Variants in GPC5 observed in about 807,000 individuals in gnomAD.
The protein encoded by GPC5 is glypican-5.
Under a neutral mutation model 53.9 loss-of-function variants are expected in GPC5, and 47 were observed. That is an observed-to-expected ratio of 0.87 (90% confidence interval 0.69 to 1.11). The LOEUF is 1.11. GPC5 is among the 50% of genes most tolerant of loss of function. The pLI is 0.00. For missense variants in GPC5, 748 were observed against 713.1 expected (o/e 1.05, Z -0.56); for synonymous variants, 286 against 263.3 (o/e 1.09, Z -0.84).
intron 7 of GPC5, among the ~76,000 whole-genome samples, chr13:92,824,866 T>A (rs1174089625): frequency 6.6e-6 from 1 of 152,090 alleles, no homozygotes; most frequent in Non-Finnish European, 1.5e-5. Flanking sequence ...TCATTAATAG[T>A]TCATATATTC....
intron 2 of GPC5, among the ~76,000 whole-genome samples, chr13:91,563,882 G>C (rs1198030055): frequency 3.3e-5 from 5 of 152,024 alleles, no homozygotes; most frequent in Admixed American, 3.3e-4. Context: ...TCCTCCCGGA[G>C]GACCGGGGAG....
chr13:92,025,344 C>T (rs2040792468), intron 6 of GPC5, among the ~76,000 whole-genome samples: 1 of 152,056 alleles, frequency 6.6e-6, no homozygotes, highest in African/African-American at 2.4e-5. Flanking sequence ...GATCTCTCCC[C>T]CAAAACACTT....
intron 7 of GPC5, among the ~76,000 whole-genome samples, chr13:92,819,876 C>T (rs991939058): frequency 6.6e-6 from 1 of 152,170 alleles, no homozygotes; most frequent in African/African-American, 2.4e-5. Context: ...TTCAACATGA[C>T]TGCCTCCTTT....
chr13:92,854,365 TAGTCA>T (rs1176144019), intron 7 of GPC5, among the ~76,000 whole-genome samples: 2 of 148,736 alleles, frequency 1.3e-5, no homozygotes, highest in African/African-American at 4.9e-5. Flanking sequence ...ATATATATAT[TAGTCA>T]ATAGATATTA....
intron 2 of GPC5, among the ~76,000 whole-genome samples, chr13:91,504,065 C>G (rs1753556615): frequency 6.6e-6 from 1 of 151,702 alleles, no homozygotes; most frequent in African/African-American, 2.4e-5. Flanking sequence ...CATAGCATAA[C>G]AAAAAACAAT....
intron 2 of GPC5, among the ~76,000 whole-genome samples, chr13:91,502,461 A>G (rs1445602978): frequency 6.6e-6 from 1 of 152,164 alleles, no homozygotes; most frequent in Non-Finnish European, 1.5e-5. Context: ...GCAGGTGAAC[A>G]GCACTGGAGG....
chr13:92,618,904 T>C (rs1566323877), intron 7 of GPC5, among the ~76,000 whole-genome samples: 1 of 151,914 alleles, frequency 6.6e-6, no homozygotes, highest in Non-Finnish European at 1.5e-5. Flanking sequence ...AGTAAAACAA[T>C]TGAAGAATTT....
At chr13:92,588,813 G>A (rs1187219036) in intron 7 of GPC5, among the ~76,000 whole-genome samples, 1 of 152,158 alleles carries the variant, frequency 6.6e-6, no homozygotes, top group Non-Finnish European at 1.5e-5. Flanking sequence ...GTTCCATACA[G>A]TTGGCATCCT....
intron 7 of GPC5, among the ~76,000 whole-genome samples, chr13:92,436,882 G>T (rs949613822): frequency 2.0e-5 from 3 of 151,932 alleles, no homozygotes; most frequent in Non-Finnish European, 4.4e-5. Flanking sequence ...AAACATAAAT[G>T]AATCAACACA....
At chr13:92,637,110 T>C (rs1306950250) in intron 7 of GPC5, among the ~76,000 whole-genome samples, 1 of 152,164 alleles carries the variant, frequency 6.6e-6, no homozygotes, top group East Asian at 1.9e-4. Flanking sequence ...AAATTCTTAG[T>C]CTGGAATGTA....
rs542594378 is a variant in GPC5 at position 91,738,064 on chromosome 13, G to A, written c.1154+9399G>A. 1.7e-4 allele frequency among the ~76,000 whole-genome samples: 26 copies of A among 151,430 alleles called. No individual in the cohort carries two copies. In the South Asian group the frequency reaches 2.7e-3, roughly 16 times the overall value. On this transcript the variant is annotated intron_variant, in intron 4 of 7. Coordinates refer to ENST00000377067, the MANE Select transcript of GPC5 (RefSeq NM_004466.6). ...GTAGTGAAGACAAACTATTGAGAGGGTGAGTGGAGGAAAGGGATGGGAAAT... is the reference window on the plus strand; with the variant it reads ...GTAGTGAAGACAAACTATTGAGAGGATGAGTGGAGGAAAGGGATGGGAAAT...
chr13:91,662,066 A>G (rs2035000321), intron 2 of GPC5, among the ~76,000 whole-genome samples: 2 of 152,174 alleles, frequency 1.3e-5, no homozygotes, highest in African/African-American at 4.8e-5. Context: ...TATGGTATTT[A>G]AAGCTATGAG....
intron 5 of GPC5, among the ~76,000 whole-genome samples, chr13:91,835,531 T>C (rs574572941): frequency 6.6e-6 from 1 of 152,296 alleles, no homozygotes; most frequent in South Asian, 2.1e-4. Context: ...GTGGCACATA[T>C]ACACCATGGA....
rs531779374 is a variant in GPC5, at chr13:91,783,662, G to A, written c.1280+27242G>A. Among the ~76,000 whole-genome samples, 76 of 152,062 alleles carry A rather than the reference G, an allele frequency of 5.0e-4. 1 individual carries two copies. In the East Asian group the frequency reaches 0.011, roughly 22 times the overall value. On this transcript the variant is annotated intron_variant, in intron 5 of 7. Transcript: ENST00000377067. ...TCACCATGTTGGCCAGGCTAGTCTC[G>A]AACTCCTGATCTCAAGCGATCTGCC...
At chr13:92,196,975 C>G (rs1291749020) in intron 7 of GPC5, among the ~76,000 whole-genome samples, 4 of 151,990 alleles carry the variant, frequency 2.6e-5, no homozygotes, top group Admixed American at 6.6e-5. Flanking sequence ...GTTAAGATAC[C>G]GAAAACGGTA....
intron 2 of GPC5, among the ~76,000 whole-genome samples, chr13:91,640,540 T>G (rs1428210014): frequency 1.3e-5 from 2 of 152,184 alleles, no homozygotes; most frequent in African/African-American, 4.8e-5. Context: ...GGAGTGTACA[T>G]TTGTTCAACC....
intron 7 of GPC5, among the ~76,000 whole-genome samples, chr13:92,767,476 G>C (rs945857225): frequency 6.6e-6 from 1 of 151,960 alleles, no homozygotes; most frequent in East Asian, 1.9e-4. Context: ...CCAAAAAAAA[G>C]AAAAAAGAAA....
At chr13:92,540,871 A>G (rs1175201518) in intron 7 of GPC5, among the ~76,000 whole-genome samples, 1 of 151,892 alleles carries the variant, frequency 6.6e-6, no homozygotes, top group East Asian at 1.9e-4. Context: ...TAATGAGAAC[A>G]CTAATGTCCA....
chr13:92,213,304 AT>A (rs1239568765), intron 7 of GPC5, among the ~76,000 whole-genome samples: 1 of 152,184 alleles, frequency 6.6e-6, no homozygotes, highest in East Asian at 1.9e-4. Flanking sequence ...CTTACAAATC[AT>A]TTTTTTAATG....
Sources: gnomAD v4.1 joint callset for allele counts (sites outside exome capture counted in the v4.1 genomes callset) on GRCh38, gnomAD v4.1.1 for gene constraint, MANE v1.5 for transcripts, NCBI Gene and HGNC (gene_info 2026-07-23, HGNC 2026-07-21) for gene names.